PRKAR1B: variants seen among roughly 807,000 people sequenced by gnomAD.
PRKAR1B encodes the protein cAMP-dependent protein kinase type I-beta regulatory subunit.
PRKAR1B carries 22 observed loss-of-function variants against 46.5 expected under a neutral mutation model. That is an observed-to-expected ratio of 0.47 (90% confidence interval 0.34 to 0.68). The LOEUF (loss-of-function observed/expected upper bound fraction) is 0.68. PRKAR1B is among the 30% of genes least tolerant of loss of function. The pLI is 0.01. For missense variants in PRKAR1B, 445 were observed against 535.6 expected, an observed-to-expected ratio of 0.83 and a Z score of 1.67; for synonymous variants, 259 against 217.7, an observed-to-expected ratio of 1.19 and a Z score of -1.67.
At chr7:705,054 G>A (rs1386309616) in intron 2 of PRKAR1B, among the ~76,000 whole-genome samples, 1 of 152,130 alleles carries the variant, frequency 6.6e-6, no homozygotes, top group East Asian at 1.9e-4. Flanking sequence ...CACTTTGGGA[G>A]GCTGAGGCGG....
intron 6 of PRKAR1B, among the ~76,000 whole-genome samples, chr7:599,804 C>T (rs1781490905): frequency 7.5e-6 from 1 of 133,458 alleles, no homozygotes; most frequent in South Asian, 2.3e-4. Context: ...TTCACCTTCA[C>T]TCGCTCACCC....
chr7:608,764 G>A lies in PRKAR1B; in HGVS notation c.441-1312C>T, dbSNP rs1258636894. Among the ~76,000 whole-genome samples the A allele has an allele frequency of 3.9e-3, 373 of 95,942 alleles. 25 individuals are homozygous for A. The highest frequency in any genetic ancestry group is 0.02 in the African/African-American group (346 of 17,462). The allele number at this position is 95,942 out of a possible 152,430, so 62.9% of individuals were successfully genotyped here. A position where few individuals can be genotyped will look rare whatever the true frequency, so the allele number is the denominator to read the frequency against. Reference sequence around the variant, plus strand: ...GCAGGGCTGTAGGGAAGGCTGGGGGGCCTCCACTGTCCTCCCACCTGGGGA... The same window carrying A: ...GCAGGGCTGTAGGGAAGGCTGGGGGACCTCCACTGTCCTCCCACCTGGGGA... On this transcript the variant is annotated intron_variant, in intron 4 of 10. Transcript: ENST00000537384.
rs578184748 is a variant in PRKAR1B at position 581,131 on chromosome 7, G to A, written c.770-1754C>T. Among the ~76,000 whole-genome samples the A allele has an allele frequency of 1.6e-4, 24 of 152,102 alleles. No individual in the cohort carries two copies. In the East Asian group the frequency reaches 4.1e-3, roughly 26 times the overall value. ...ATCCTGGCTAACACGGTGAAACGCC[G>A]TCTCTACTAAAAATACAAAAAATTA... On this transcript the variant is annotated intron_variant, in intron 8 of 10. Transcript: ENST00000537384.
At chr7:687,189 C>T (rs1779139163) in intron 2 of PRKAR1B, among the ~76,000 whole-genome samples, 1 of 152,108 alleles carries the variant, frequency 6.6e-6, no homozygotes, top group Non-Finnish European at 1.5e-5. Context: ...CAATCAAAAA[C>T]AACTCAGATA....
At position 625,630 on chromosome 7, in the gene PRKAR1B, G is replaced by GACAAGGGGCATCACTACAGGTCCCATGT. The variant is rs1783346959; in HGVS notation, c.441-18179_441-18178insACATGGGACCTGTAGTGATGCCCCTTGT. 2.6e-5 allele frequency among the ~76,000 whole-genome samples: 4 copies of GACAAGGGGCATCACTACAGGTCCCATGT among 152,148 alleles called. 2 individuals carry two copies. The highest frequency in any genetic ancestry group is 5.9e-5 in the Non-Finnish European group (4 of 68,030). On this transcript the variant is annotated intron_variant, in intron 4 of 10. Transcript: ENST00000537384. ...AAGGGGCATCACTACAGGTCCCATG[G>GACAAGGGGCATCACTACAGGTCCCATGT]ACAAGGGGCATCACTACAGGTCCTA...
At chr7:574,222 A>G (rs775052020) in intron 9 of PRKAR1B, among the ~76,000 whole-genome samples, 6 of 152,210 alleles carry the variant, frequency 3.9e-5, no homozygotes, top group Non-Finnish European at 7.3e-5. Context: ...CCATTCTCTC[A>G]GTTTCAAGAC....
At chr7:578,705 G>A (rs113568619) in intron 9 of PRKAR1B, 15,419 of 145,284 alleles carry the variant, frequency 0.11, 1,121 homozygotes, top group Non-Finnish European at 0.15. Flanking sequence ...TTTTTGAGAC[G>A]GAATCTCACT....
chr7:667,513 G>A lies in PRKAR1B; in HGVS notation c.440+9716C>T, dbSNP rs1381909530. ...ACTCCAGCCCAACACCTGTGTGATGGGAACTCCTGGTCCTGTCTCACCCCT... is the reference window on the plus strand; with the variant it reads ...ACTCCAGCCCAACACCTGTGTGATGAGAACTCCTGGTCCTGTCTCACCCCT... On this transcript the variant is annotated intron_variant, in intron 4 of 10. Transcript: ENST00000537384. The surrounding 1 kb of genome is among the most constrained non-coding windows in gnomAD (Gnocchi z 4.3). Among the ~76,000 whole-genome samples the A allele has an allele frequency of 1.3e-5, 2 of 152,158 alleles. No individual in the cohort carries two copies. The highest frequency in any genetic ancestry group is 2.4e-5 in the African/African-American group (1 of 41,414).
At chr7:653,640 A>G (rs908263688) in intron 4 of PRKAR1B, among the ~76,000 whole-genome samples, 3 of 152,174 alleles carry the variant, frequency 2.0e-5, no homozygotes, top group African/African-American at 7.2e-5. Context: ...GGGCTACTCC[A>G]AAAGCTCATG....
At chr7:586,211 G>A (rs1056355918) in intron 7 of PRKAR1B, among the ~76,000 whole-genome samples, 2 of 152,142 alleles carry the variant, frequency 1.3e-5, no homozygotes, top group Admixed American at 6.5e-5. Flanking sequence ...TTAAGACACT[G>A]TTATTTTGAG....
At chr7:680,977 TC>T (rs568680521) in intron 2 of PRKAR1B, among the ~76,000 whole-genome samples, 295 of 151,114 alleles carry the variant, frequency 2.0e-3, no homozygotes, top group African/African-American at 6.9e-3. Context: ...TGAATTGTAA[TC>T]CCCATCATCC....
Position 711,480 on chromosome 7 carries a change from G to T in PRKAR1B, c.26C>A (p.Ser9Ter). 1 of 1,613,426 alleles carries T rather than the reference G, an allele frequency of 6.2e-7. No homozygotes were observed. The highest frequency in any genetic ancestry group is 8.5e-7 in the Non-Finnish European group (1 of 1,179,778). The stretch of plus-strand genomic sequence containing the variant: ...GCCCTTCAGGCTCTCGTCCTCCTCC[G>T]AGGGGCAGGCGGGCGGGGAGGCCAT... Reference protein sequence around the residue: MASPPACPSEEDESLKGCE... With the variant: MASPPACP The change falls in exon 2 of 11, where the codon TCG becomes TAG. Residue 9 changes from serine (S) to a stop codon, truncating the protein, a stop_gained. Transcript: ENST00000537384. LOFTEE classifies it high-confidence loss of function.
chr7:565,793 G>A (rs1197121494), intron 9 of PRKAR1B, among the ~76,000 whole-genome samples: 2 of 152,116 alleles, frequency 1.3e-5, no homozygotes, highest in East Asian at 3.9e-4. Context: ...TTCAGACTTG[G>A]CCCAGCTGGG....
At chr7:583,635 C>G (rs1204989340) in intron 8 of PRKAR1B, among the ~76,000 whole-genome samples, 1 of 138,274 alleles carries the variant, frequency 7.2e-6, no homozygotes, top group East Asian at 2.1e-4. Flanking sequence ...CAAACCCCCA[C>G]ACTCACATGC....
intron 4 of PRKAR1B, among the ~76,000 whole-genome samples, chr7:664,896 G>A (rs917857761): frequency 6.6e-6 from 1 of 152,006 alleles, no homozygotes; most frequent in African/African-American, 2.4e-5. Flanking sequence ...CCTGAGCAAC[G>A]GAGCAAGACT....
intron 4 of PRKAR1B, among the ~76,000 whole-genome samples, chr7:638,902 C>G (rs1583339873): frequency 9.3e-6 from 1 of 107,424 alleles, no homozygotes; most frequent in African/African-American, 3.9e-5. Context: ...CATGGTGAAA[C>G]CCCCGTCTCT....
At chr7:717,814 G>A (rs941700054) in intron 1 of PRKAR1B, among the ~76,000 whole-genome samples, 1 of 152,094 alleles carries the variant, frequency 6.6e-6, no homozygotes, top group Non-Finnish European at 1.5e-5. Context: ...ACTCTCAGAT[G>A]GCCACAGGGT....
At chr7:685,624 GAA>G (rs1200772338) in intron 2 of PRKAR1B, among the ~76,000 whole-genome samples, 1 of 151,228 alleles carries the variant, frequency 6.6e-6, no homozygotes, top group Non-Finnish European at 1.5e-5. Context: ...CTCCCATAGA[GAA>G]AAGTCAGTTC....
intron 2 of PRKAR1B, among the ~76,000 whole-genome samples, chr7:693,312 A>T (rs1779542988): frequency 6.6e-6 from 1 of 151,354 alleles, no homozygotes; most frequent in African/African-American, 2.4e-5. Context: ...AAAGTGCACA[A>T]TTCAGCCACG....
Sources: gnomAD v4.1 joint callset for allele counts (sites outside exome capture counted in the v4.1 genomes callset) on GRCh38, gnomAD v4.1.1 for gene constraint, Gnocchi (gnomAD v3.1) non-coding constraint, MANE v1.5 for transcripts, NCBI Gene and HGNC (gene_info 2026-07-23, HGNC 2026-07-21) for gene names.